The following CCDC102B variants were observed in gnomAD, a reference collection of about 807,000 sequenced individuals.
CCDC102B encodes the protein coiled-coil domain containing 102B.
In CCDC102B, 75 loss-of-function variants were observed where a neutral mutation model predicts 57.4. That is an observed-to-expected ratio of 1.31 (90% CI 1.08 to 1.58). CCDC102B has a LOEUF of 1.58. Ranked by LOEUF, CCDC102B falls within the 40% of genes most tolerant of loss-of-function variation. CCDC102B has a pLI of 0.00. For synonymous variants in CCDC102B, 206 were observed against 201.9 expected (o/e 1.02, Z -0.17); for missense variants, 636 against 582.6 (o/e 1.09, Z -0.94).
rs1429515562 is a variant in CCDC102B, at chr18:68,857,378, A to AAT, written c.936+10964_936+10965dup. Among the ~76,000 whole-genome samples, 670 of 112,802 alleles carry AAT rather than the reference A, an allele frequency of 5.9e-3. 11 individuals are homozygous for AAT. Among genetic ancestry groups the AAT allele is most frequent in the East Asian group, 0.034 (141 of 4,180 alleles). The allele number at this position is 112,802 out of a possible 152,430, so 74.0% of individuals were successfully genotyped here. A position where few individuals can be genotyped will look rare whatever the true frequency, so the allele number is the denominator to read the frequency against. On this transcript the variant is annotated intron_variant, in intron 4 of 7. Transcript: ENST00000360242. ...ATATATATATTTATTTCTATATATA[A>AAT]ATATATATTTATTATTTAAATATAT...
At chr18:68,903,795 G>T (rs760878654) in intron 6 of CCDC102B, among the ~76,000 whole-genome samples, 1 of 152,122 alleles carries the variant, frequency 6.6e-6, no homozygotes, top group Non-Finnish European at 1.5e-5. Context: ...TCACATAATG[G>T]ATCGCTTTCA....
chr18:68,878,848 C>T (rs1007543093), intron 5 of CCDC102B, among the ~76,000 whole-genome samples: 27 of 152,118 alleles, frequency 1.8e-4, no homozygotes, highest in Admixed American at 1.3e-4. Flanking sequence ...GCGGTGTGTC[C>T]GGAATTGGTG....
intron 1 of CCDC102B, among the ~76,000 whole-genome samples, chr18:68,826,072 A>G (rs1305832304): frequency 6.6e-6 from 1 of 152,218 alleles, no homozygotes; most frequent in African/African-American, 2.4e-5. Context: ...CATTTTTCTG[A>G]CAATTCACAT....
At chr18:68,765,929 C>T (rs1200871702) in intron 2 of CCDC102B, among the ~76,000 whole-genome samples, 1 of 151,924 alleles carries the variant, frequency 6.6e-6, no homozygotes, top group Non-Finnish European at 1.5e-5. Flanking sequence ...TAATCATTAT[C>T]TGGAATGTTA....
chr18:69,025,275 A>T (rs1468566409), intron 7 of CCDC102B, among the ~76,000 whole-genome samples: 2 of 152,342 alleles, frequency 1.3e-5, no homozygotes, highest in African/African-American at 4.8e-5. Flanking sequence ...CGTTGGCAGA[A>T]ATCTTAAAAC....
chr18:68,734,759 T>G (rs1264894807), intron 2 of CCDC102B: 1 of 152,236 alleles, frequency 6.6e-6, no homozygotes, highest in Non-Finnish European at 1.5e-5. Context: ...AGACAAAGTG[T>G]GTGAAAGGTA....
chr18:69,048,151 T>A (rs2052612644), intron 7 of CCDC102B, among the ~76,000 whole-genome samples: 1 of 151,546 alleles, frequency 6.6e-6, no homozygotes, highest in Admixed American at 6.6e-5. Flanking sequence ...CATTTCTCAT[T>A]CATCTATTAA....
chr18:69,057,497 C>G (rs1423130413), downstream of CCDC102B, among the ~76,000 whole-genome samples: 2 of 152,010 alleles, frequency 1.3e-5, no homozygotes, highest in Non-Finnish European at 2.9e-5. Flanking sequence ...CAAGTAACCT[C>G]TCAATACTCA....
At chr18:68,734,065 T>A (rs745757486) in intron 2 of CCDC102B, among the ~76,000 whole-genome samples, 1 of 152,224 alleles carries the variant, frequency 6.6e-6, no homozygotes, top group African/African-American at 2.4e-5. Context: ...TAAGACAAGA[T>A]TTCAAGAGCT....
chr18:69,018,433 C>G (rs1159598318), intron 7 of CCDC102B, among the ~76,000 whole-genome samples: 2 of 152,240 alleles, frequency 1.3e-5, no homozygotes, highest in East Asian at 3.9e-4. Flanking sequence ...TCTTCACCAG[C>G]ACTAGTTATT....
chr18:69,012,168 G>A (rs73451780), intron 7 of CCDC102B, among the ~76,000 whole-genome samples: 12,968 of 152,072 alleles, frequency 0.085, 1,849 homozygotes, highest in African/African-American at 0.29. Context: ...AGAGTAAGTT[G>A]GAAGGGGAAT....
At chr18:68,824,000 G>A (rs998940275) in intron 1 of CCDC102B, among the ~76,000 whole-genome samples, 2 of 122,176 alleles carry the variant, frequency 1.6e-5, no homozygotes, top group Non-Finnish European at 3.3e-5. Context: ...CCATTTTGCC[G>A]GCTATTTACT....
intron 4 of CCDC102B, among the ~76,000 whole-genome samples, chr18:68,871,122 C>T (rs745816596): frequency 4.6e-5 from 7 of 151,838 alleles, no homozygotes; most frequent in East Asian, 3.9e-4. Context: ...TTCATAAACA[C>T]GCAGTACAAA....
At chr18:68,987,791 A>C (rs73450119) in intron 6 of CCDC102B, among the ~76,000 whole-genome samples, 10,886 of 152,246 alleles carry the variant, frequency 0.072, 703 homozygotes, top group African/African-American at 0.16. Flanking sequence ...AAAACCATGA[A>C]AAAAATGCTC....
chr18:68,837,392 A>G (rs2037431473), intron 2 of CCDC102B, 23 bp downstream of exon 2: 6 of 1,588,014 alleles, frequency 3.8e-6, no homozygotes, highest in Non-Finnish European at 5.1e-6. Context: ...TCCAGAGATG[A>G]TGTGAATTTC....
chr18:69,056,222 G>C (rs1337842104), downstream of CCDC102B, among the ~76,000 whole-genome samples: 1 of 152,016 alleles, frequency 6.6e-6, no homozygotes, highest in African/African-American at 2.4e-5. Flanking sequence ...TACAGATAAT[G>C]GCTTAAGAAA....
chr18:69,043,314 C>T (rs999739810), intron 7 of CCDC102B, among the ~76,000 whole-genome samples: 3 of 152,030 alleles, frequency 2.0e-5, no homozygotes, highest in East Asian at 1.9e-4. Flanking sequence ...TGCCCAGGGA[C>T]GGGCAGGAGA....
chr18:68,779,965 C>T (rs147233563), intron 2 of CCDC102B, among the ~76,000 whole-genome samples: 29 of 152,110 alleles, frequency 1.9e-4, no homozygotes, highest in African/African-American at 6.3e-4. Context: ...TTTTATCAAC[C>T]AAGATAAAAT....
At chr18:68,765,273 GAGAA>G (rs1363827739) in intron 2 of CCDC102B, among the ~76,000 whole-genome samples, 16 of 141,448 alleles carry the variant, frequency 1.1e-4, no homozygotes, top group Middle Eastern at 3.6e-3. Flanking sequence ...AGGAGAGAAA[GAGAA>G]AGAAAGAAAA....
Sources: gnomAD v4.1 joint callset for allele counts (sites outside exome capture counted in the v4.1 genomes callset) on GRCh38, gnomAD v4.1.1 for gene constraint, MANE v1.5 for transcripts, NCBI Gene and HGNC (gene_info 2026-07-23, HGNC 2026-07-21) for gene names.